PGGT1B: variants seen among roughly 807,000 people sequenced by gnomAD.
PGGT1B encodes the protein geranylgeranyl transferase type-1 subunit beta.
In PGGT1B, 30 loss-of-function variants were observed where a neutral mutation model predicts 46.1. That is an observed-to-expected ratio of 0.65 (90% confidence interval 0.49 to 0.88). The LOEUF (loss-of-function observed/expected upper bound fraction) is 0.88. Ranked by LOEUF, PGGT1B falls within the 40% of genes least tolerant of loss-of-function variation. The probability of loss-of-function intolerance (pLI) is 0.00; values close to 1 mark genes in which losing one functional copy is unlikely to be tolerated. For missense variants in PGGT1B, 376 were observed against 455.9 expected (o/e 0.82, Z 1.60); for synonymous variants, 170 against 160.0 (o/e 1.06, Z -0.47).
At chr5:115,259,786 G>T (rs1202955851) in intron 1 of PGGT1B, among the ~76,000 whole-genome samples, 1 of 151,670 alleles carries the variant, frequency 6.6e-6, no homozygotes. Flanking sequence ...AGGATACACA[G>T]GGGAAAATAG....
chr5:115,244,955 G>A (rs10077453), intron 2 of PGGT1B, among the ~76,000 whole-genome samples: 25,647 of 151,988 alleles, frequency 0.17, 2,754 homozygotes, highest in Middle Eastern at 0.33. Flanking sequence ...ATCAAAAGGC[G>A]TATTTTCCTA....
At chr5:115,260,568 A>C (rs1358537678) in intron 1 of PGGT1B, among the ~76,000 whole-genome samples, 2 of 152,200 alleles carry the variant, frequency 1.3e-5, no homozygotes, top group Non-Finnish European at 2.9e-5. Context: ...CCACAAAAGA[A>C]CTTAGTGCTA....
intron 2 of PGGT1B, among the ~76,000 whole-genome samples, chr5:115,245,796 A>G (rs1288007247): frequency 6.6e-6 from 1 of 152,200 alleles, no homozygotes; most frequent in Non-Finnish European, 1.5e-5. Flanking sequence ...CGGTCACAGT[A>G]TAGGGAAAAG....
rs546763041 is a variant in PGGT1B, at chr5:115,234,596, T to A, written c.612+1794A>T. On this transcript the variant is annotated intron_variant, in intron 5 of 8. Coordinates refer to ENST00000419445, the MANE Select transcript of PGGT1B (RefSeq NM_005023.4). ...ATAACCTAATGGTACTTCAAACAGA[T>A]AACATAACCATATTAAAGGGGGGAA... Among the ~76,000 whole-genome samples the A allele has an allele frequency of 5.3e-5, 8 of 152,102 alleles. 1 individual carries two copies. The South Asian group carries it at 1.7e-3, about 32-fold the overall frequency.
intron 2 of PGGT1B, among the ~76,000 whole-genome samples, chr5:115,244,954 C>A (rs572350520): frequency 9.9e-5 from 15 of 152,224 alleles, no homozygotes; most frequent in Admixed American, 9.2e-4. Flanking sequence ...TATCAAAAGG[C>A]GTATTTTCCT....
intron 3 of PGGT1B, among the ~76,000 whole-genome samples, chr5:115,240,637 G>GTAGT (rs1757319682): frequency 6.6e-6 from 1 of 152,212 alleles, no homozygotes; most frequent in Non-Finnish European, 1.5e-5. Flanking sequence ...GAAAGCTGAA[G>GTAGT]TAGTACCTCT....
At chr5:115,262,030 C>CGGAG in intron 1 of PGGT1B, among the ~76,000 whole-genome samples, 1 of 152,204 alleles carries the variant, frequency 6.6e-6, no homozygotes, top group East Asian at 1.9e-4. Flanking sequence ...CTCTTTCCTC[C>CGGAG]CATCCAGTCT....
intron 7 of PGGT1B, among the ~76,000 whole-genome samples, chr5:115,221,062 G>C (rs1756573494): frequency 6.6e-6 from 1 of 151,952 alleles, no homozygotes; most frequent in Admixed American, 6.6e-5. Flanking sequence ...AGTGAGGAGA[G>C]ACAGGGAGAC....
At chr5:115,227,851 T>G (rs1471330618) in intron 6 of PGGT1B, among the ~76,000 whole-genome samples, 1 of 152,154 alleles carries the variant, frequency 6.6e-6, no homozygotes, top group African/African-American at 2.4e-5. Flanking sequence ...ATGTAAAGTA[T>G]CAGATGGTAG....
At chr5:115,255,951 C>T (rs1219121358) in intron 1 of PGGT1B, among the ~76,000 whole-genome samples, 1 of 152,138 alleles carries the variant, frequency 6.6e-6, no homozygotes, top group East Asian at 1.9e-4. Context: ...ACGACCAAAA[C>T]ACCACCAACA....
In PGGT1B at chr5:115,230,286, T is replaced by C. The variant is rs61098658; in HGVS notation, c.658+690A>G. ...GGGATGGAGATAACAAATAATTATA[T>C]GGAAAACTGCTGTGATGAGGAAGAA... On this transcript the variant is annotated intron_variant, in intron 6 of 8. Coordinates refer to ENST00000419445, the MANE Select transcript of PGGT1B (RefSeq NM_005023.4). Among the ~76,000 whole-genome samples the C allele has an allele frequency of 1.6e-3, 240 of 152,220 alleles. 1 individual carries two copies. Among genetic ancestry groups the C allele is most frequent in the African/African-American group, 5.5e-3 (228 of 41,556 alleles).
At position 115,212,594 on chromosome 5, in the gene PGGT1B, G is replaced by A. The variant is rs775898932; in HGVS notation, c.953-11C>T. On this transcript the variant is annotated splice_polypyrimidine_tract_variant and intron_variant, in intron 8 of 8. Coordinates refer to ENST00000419445, the MANE Select transcript of PGGT1B (RefSeq NM_005023.4). ...ATGCATGCAAAGCATCTGAAAAGAA[G>A]GCATTTAAAACATCATAATAGGCAT... 2.5e-6 allele frequency: 4 copies of A among 1,582,774 alleles called. No individual in the cohort carries two copies. The African/African-American group carries it at 4.1e-5, about 16-fold the overall frequency.
chr5:115,251,264 T>C (rs1291332922), intron 2 of PGGT1B, among the ~76,000 whole-genome samples: 2 of 152,116 alleles, frequency 1.3e-5, no homozygotes, highest in African/African-American at 4.8e-5. Context: ...CTTGTTATTT[T>C]CCACCTTTTT....
Position 115,212,260 on chromosome 5 carries a change from C to A in PGGT1B, c.*142G>T. 1 of 1,455,846 alleles carries A rather than the reference C, an allele frequency of 6.9e-7. No individual in the cohort carries two copies. The allele number at this position is 1,455,846 out of a possible 1,614,324, so 90.2% of individuals were successfully genotyped here. A position where few individuals can be genotyped will look rare whatever the true frequency, so the allele number is the denominator to read the frequency against. ...CAGTATAAAGATTACTGGCTCAAGA[C>A]CATATCCCAAAGTGAAATCAGCAGG... On this transcript the variant is annotated 3_prime_UTR_variant, in exon 9 of 9. Transcript: ENST00000419445.
At chr5:115,246,169 T>A (rs1238459556) in intron 2 of PGGT1B, among the ~76,000 whole-genome samples, 1 of 151,986 alleles carries the variant, frequency 6.6e-6, no homozygotes, top group Non-Finnish European at 1.5e-5. Context: ...CTGACCAACA[T>A]GGAGAATTCT....
At chr5:115,253,650 A>G (rs1421788375) in intron 1 of PGGT1B, among the ~76,000 whole-genome samples, 2 of 152,074 alleles carry the variant, frequency 1.3e-5, no homozygotes, top group African/African-American at 2.4e-5. Flanking sequence ...AGGATCAATT[A>G]TAGCTTGTAT....
intron 6 of PGGT1B, among the ~76,000 whole-genome samples, chr5:115,222,340 G>C (rs1756614134): frequency 1.3e-5 from 2 of 152,168 alleles, no homozygotes; most frequent in African/African-American, 4.8e-5. Context: ...CCAATCACCT[G>C]AGACTGATTT....
At chr5:115,240,697 T>C (rs919304529) in intron 3 of PGGT1B, among the ~76,000 whole-genome samples, 3 of 152,162 alleles carry the variant, frequency 2.0e-5, no homozygotes, top group Non-Finnish European at 4.4e-5. Flanking sequence ...TTCCAAAAAT[T>C]TGAAGCTGAT....
intron 8 of PGGT1B, among the ~76,000 whole-genome samples, chr5:115,216,229 T>C (rs1756412315): frequency 6.6e-6 from 1 of 152,172 alleles, no homozygotes; most frequent in Non-Finnish European, 1.5e-5. Flanking sequence ...AACCTCTGCT[T>C]CCTGGGTTTA....
Sources: allele counts gnomAD v4.1 joint callset (sites outside exome capture counted in the v4.1 genomes callset), GRCh38; gene constraint gnomAD v4.1.1; transcripts MANE v1.5; gene names NCBI Gene and HGNC (gene_info 2026-07-23, HGNC 2026-07-21).